Variants in TNS3 observed in about 807,000 individuals in gnomAD.
TNS3 encodes the protein tensin 3.
TNS3 carries 45 observed loss-of-function variants against 140.9 expected under a neutral mutation model. That is an observed-to-expected ratio of 0.32 (90% CI 0.25 to 0.41). The LOEUF is 0.41. TNS3 is among the 10% of genes least tolerant of loss of function. The pLI, the probability that TNS3 is intolerant of heterozygous loss-of-function variation, is 1.00. For missense variants in TNS3, 1,716 were observed against 1,906.7 expected (o/e 0.90, Z 1.86); for synonymous variants, 815 against 788.4 (o/e 1.03, Z -0.56).
Position 47,368,751 on chromosome 7 carries a change from G to C in TNS3, c.1895C>G (p.Thr632Ser). ...CCTACTGCTGGTCCCTCGGGTGGGGGTGAGTGGCACTCTGGGCTGGGCCTG... is the reference window on the plus strand; with the variant it reads ...CCTACTGCTGGTCCCTCGGGTGGGGCTGAGTGGCACTCTGGGCTGGGCCTG... ...LVQAQPRVPL[T>S]PTRGTSSRVA... Residue 632 changes from threonine to serine, a missense_variant, in exon 17 of 31, where the codon ACC becomes AGC. Around this residue, in one of 3 missense-constraint regions of TNS3, gnomAD observed 1,163 missense variants for 1,182.1 expected, o/e 0.98. Transcript: ENST00000311160. 1 of 1,586,004 alleles carries C rather than the reference G, an allele frequency of 6.3e-7. No individual in the cohort carries two copies. The highest frequency in any genetic ancestry group is 2.2e-5 in the East Asian group (1 of 44,598).
chr7:47,341,656 A>C (rs1646859919), intron 20 of TNS3, among the ~76,000 whole-genome samples: 1 of 151,926 alleles, frequency 6.6e-6, no homozygotes, highest in African/African-American at 2.4e-5. Flanking sequence ...AATTTTATTG[A>C]TCTTTTCAAA....
At chr7:47,445,314 C>T (rs940252294) in intron 4 of TNS3, among the ~76,000 whole-genome samples, 4 of 152,180 alleles carry the variant, frequency 2.6e-5, no homozygotes, top group Non-Finnish European at 4.4e-5. Context: ...CCAGCAGAAA[C>T]CCCAGTAAGC....
rs562337053 is a variant in TNS3, at chr7:47,362,566, G to C, written c.2281+5799C>G. 6.3e-4 allele frequency among the ~76,000 whole-genome samples: 96 copies of C among 152,280 alleles called. No individual in the cohort carries two copies. The South Asian group carries it at 0.017, about 28-fold the overall frequency. On this transcript the variant is annotated intron_variant, in intron 17 of 30. Transcript: ENST00000311160. ...GGTTTACTGGCTGGTGTAAGAGTGTGAGTTTAGTGGAATTAGGACATAGCC... is the reference window on the plus strand; with the variant it reads ...GGTTTACTGGCTGGTGTAAGAGTGTCAGTTTAGTGGAATTAGGACATAGCC...
At chr7:47,531,613 G>A (rs1799406132) in intron 1 of TNS3, among the ~76,000 whole-genome samples, 1 of 152,226 alleles carries the variant, frequency 6.6e-6, no homozygotes, top group African/African-American at 2.4e-5. Context: ...AATGTGACAT[G>A]TGACATATGT....
chr7:47,338,719 CAT>C (rs1337174250), intron 20 of TNS3, among the ~76,000 whole-genome samples: 4 of 152,188 alleles, frequency 2.6e-5, no homozygotes, highest in African/African-American at 9.7e-5. Context: ...ATATGTCCCA[CAT>C]TTTCTTTATC....
At chr7:47,376,363 T>C (rs1791385545) in intron 16 of TNS3, among the ~76,000 whole-genome samples, 1 of 152,222 alleles carries the variant, frequency 6.6e-6, no homozygotes, top group African/African-American at 2.4e-5. Context: ...GCTGCAGGAA[T>C]TGGCATCTTC....
At chr7:47,444,881 C>A (rs1025562136) in intron 4 of TNS3, among the ~76,000 whole-genome samples, 5 of 152,200 alleles carry the variant, frequency 3.3e-5, no homozygotes, top group African/African-American at 1.2e-4. Context: ...GCTATCACCA[C>A]AGGGAGGCCC....
intron 3 of TNS3, 34 bp downstream of exon 3, chr7:47,506,872 TA>T: frequency 1.6e-6 from 2 of 1,285,386 alleles, no homozygotes; most frequent in South Asian, 2.5e-5. Flanking sequence ...AAGTCAGCTA[TA>T]AAAAGTCCCA....
rs1180064202 is a variant in TNS3, at chr7:47,277,608, C to T, written c.*468G>A. On this transcript the variant is annotated 3_prime_UTR_variant, in exon 31 of 31. Coordinates refer to ENST00000311160, the MANE Select transcript of TNS3 (RefSeq NM_022748.12). Reference sequence around the variant, plus strand: ...GTTAGCATCTCCATCTTGGGAAGACCGAGGTGAGGGAAACCCCCGGCCTCG... The same window carrying T: ...GTTAGCATCTCCATCTTGGGAAGACTGAGGTGAGGGAAACCCCCGGCCTCG... 4 of 233,188 alleles carry T rather than the reference C, an allele frequency of 1.7e-5. No homozygotes were observed. Among genetic ancestry groups the T allele is most frequent in the East Asian group, 1.2e-4 (1 of 8,024 alleles). 14.4% of individuals were successfully genotyped at this position (233,188 alleles called of 1,614,324 possible). A position where few individuals can be genotyped will look rare whatever the true frequency, so the allele number is the denominator to read the frequency against.
intron 20 of TNS3, among the ~76,000 whole-genome samples, chr7:47,312,628 G>A (rs1425367442): frequency 1.3e-5 from 2 of 151,824 alleles, no homozygotes; most frequent in South Asian, 2.1e-4. Context: ...ACTTGAACCT[G>A]GGAGGCAGAG....
chr7:47,415,722 C>T (rs1427903358), intron 10 of TNS3, among the ~76,000 whole-genome samples: 3 of 152,266 alleles, frequency 2.0e-5, no homozygotes, highest in Non-Finnish European at 4.4e-5. Context: ...CAGCCTTCCA[C>T]GCCACATCTG....
intron 17 of TNS3, among the ~76,000 whole-genome samples, chr7:47,350,379 A>G (rs543255604): frequency 6.6e-6 from 1 of 152,336 alleles, no homozygotes; most frequent in East Asian, 1.9e-4. Context: ...AAATCTGCCA[A>G]GTGTCTAAGT....
chr7:47,439,353 C>G (rs1795345274), intron 6 of TNS3, 134 bp downstream of exon 6: 1 of 986,808 alleles, frequency 1.0e-6, no homozygotes, highest in African/African-American at 1.6e-5. Flanking sequence ...GACGAAGGCG[C>G]CACGGACAGC....
Position 47,387,604 on chromosome 7 carries a change from C to T in TNS3, c.1024+9196G>A, listed in dbSNP as rs1417096891. On this transcript the variant is annotated intron_variant, in intron 16 of 30. Coordinates refer to ENST00000311160, the MANE Select transcript of TNS3 (RefSeq NM_022748.12). ...CTGCACCTTTTGTATGAACACCTCC[C>T]TTTTCCACTAAGTCATCCGCAACCT... Among the ~76,000 whole-genome samples the T allele has an allele frequency of 2.6e-5, 4 of 152,332 alleles. No individual in the cohort carries two copies. The East Asian group carries it at 5.8e-4, about 22-fold the overall frequency.
intron 27 of TNS3, among the ~76,000 whole-genome samples, chr7:47,288,336 G>A (rs1785525209): frequency 6.6e-6 from 1 of 152,216 alleles, no homozygotes; most frequent in Non-Finnish European, 1.5e-5. Context: ...AGCTGGGCAG[G>A]ACAAGTGCTC....
At chr7:47,361,012 C>T (rs994117032) in intron 17 of TNS3, among the ~76,000 whole-genome samples, 4 of 151,814 alleles carry the variant, frequency 2.6e-5, no homozygotes, top group African/African-American at 7.3e-5. Context: ...CGGGCGCAGG[C>T]GCTGGGGCCC....
intron 16 of TNS3, among the ~76,000 whole-genome samples, chr7:47,375,257 T>C (rs144688807): frequency 7.2e-5 from 11 of 152,130 alleles, no homozygotes; most frequent in Admixed American, 7.2e-4. Context: ...TCCCATTCGG[T>C]GTCCCCTTTC....
intron 13 of TNS3, 99 bp from the exon 14 acceptor site, chr7:47,401,013 C>T: frequency 6.6e-7 from 1 of 1,524,678 alleles, no homozygotes; most frequent in Admixed American, 1.9e-5. Context: ...GCAGGGCCTC[C>T]CCTCTGGACT....
At chr7:47,478,767 AACAT>A (rs965056939) in intron 4 of TNS3, among the ~76,000 whole-genome samples, 6 of 152,226 alleles carry the variant, frequency 3.9e-5, no homozygotes, top group African/African-American at 1.2e-4. Flanking sequence ...ACACATGTAT[AACAT>A]ACATATTCAT....
Sources: allele counts gnomAD v4.1 joint callset (sites outside exome capture counted in the v4.1 genomes callset), GRCh38; gene constraint gnomAD v4.1.1; regional missense constraint gnomAD v4.1.1; transcripts MANE v1.5; gene names NCBI Gene and HGNC (gene_info 2026-07-23, HGNC 2026-07-21).